The following DNAH1 variants were observed in gnomAD, a reference collection of about 807,000 sequenced individuals.
DNAH1 encodes the protein dynein axonemal heavy chain 1.
Under a neutral mutation model 484.3 loss-of-function variants are expected in DNAH1, and 327 were observed. The ratio of observed to expected loss-of-function variants is 0.68; its 90% CI spans 0.62 to 0.74. DNAH1 has a LOEUF of 0.74. DNAH1 is among the 30% of genes least tolerant of loss of function. The probability of loss-of-function intolerance (pLI) is 0.00; values close to 1 mark genes in which losing one functional copy is unlikely to be tolerated. For synonymous variants in DNAH1, 2,192 were observed against 2,191.9 expected (o/e 1.00, Z 0.00); for missense variants, 5,052 against 5,546.8 (o/e 0.91, Z 2.83).
intron 65 of DNAH1, 42 bp from the exon 66 acceptor site, chr3:52,393,292 C>T: frequency 1.2e-6 from 2 of 1,608,722 alleles, no homozygotes; most frequent in Non-Finnish European, 1.7e-6. Context: ...GCTCTTCCTT[C>T]CTCTCACCTC....
chr3:52,322,322 TGGCA>T, intron 1 of DNAH1, 83 bp from the exon 2 acceptor site: 1 of 880,548 alleles, frequency 1.1e-6, no homozygotes, highest in Non-Finnish European at 1.7e-6. Flanking sequence ...CTGGGGCTTG[TGGCA>T]GGCAGGCAAT....
chr3:52,358,062 C>A lies in DNAH1; in HGVS notation c.4086+59C>A. ...GCATGGGGCATCTTCCCAGGGAGAACGTCCCTCCCTTTGTGATGAGCCCTT... is the reference window on the plus strand; with the variant it reads ...GCATGGGGCATCTTCCCAGGGAGAAAGTCCCTCCCTTTGTGATGAGCCCTT... On this transcript the variant is annotated intron_variant, in intron 24 of 77. Transcript: ENST00000420323. This position sits in a 1 kb window ranked among gnomAD's most constrained non-coding sequence, Gnocchi z 4.2. The A allele has an allele frequency of 1.5e-6, 2 of 1,324,078 alleles. No homozygotes were observed. The highest frequency in any genetic ancestry group is 1.0e-6 in the Non-Finnish European group (1 of 962,860). The allele number at this position is 1,324,078 out of a possible 1,614,324, so 82.0% of individuals were successfully genotyped here.
At position 52,385,329 on chromosome 3, in the gene DNAH1, A is replaced by C. The variant is rs1183435001; in HGVS notation, c.8515-8A>C. 2 of 1,551,662 alleles carry C rather than the reference A, an allele frequency of 1.3e-6. No homozygotes were observed. The highest frequency in any genetic ancestry group is 3.9e-5 in the Admixed American group (2 of 51,020). ...CACCTGTTTTCCTGTCTCTGCCCTG[A>C]CCCCTAGCTGCTGCGCACTTCTGAG... On this transcript the variant is annotated splice_region_variant and splice_polypyrimidine_tract_variant and intron_variant, in intron 53 of 77. Coordinates refer to ENST00000420323, the MANE Select transcript of DNAH1 (RefSeq NM_015512.5).
chr3:52,371,797 T>C, intron 41 of DNAH1, 149 bp from the exon 42 acceptor site: 1 of 1,186,874 alleles, frequency 8.4e-7, no homozygotes, highest in Non-Finnish European at 1.2e-6. Flanking sequence ...GGACTTTCCA[T>C]TTCCGCCGGA....
At position 52,358,733 on chromosome 3, in the gene DNAH1, CCA is replaced by C; in HGVS notation, c.4264_4265del (p.Thr1422AspfsTer50). ...ATTGAGAAGGCCATCAGGGCCTACC[CCA>C]CGGTGAGCCGCCCGCAGCCCGTGCA... On this transcript the variant is annotated frameshift_variant and splice_region_variant, in exon 25 of 78. Coordinates refer to ENST00000420323, the MANE Select transcript of DNAH1 (RefSeq NM_015512.5). LOFTEE classifies it high-confidence loss of function. This position sits in a 1 kb window ranked among gnomAD's most constrained non-coding sequence, Gnocchi z 4.2. 1 of 1,612,240 alleles carries C rather than the reference CCA, an allele frequency of 6.2e-7. No individual in the cohort carries two copies. The highest frequency in any genetic ancestry group is 8.5e-7 in the Non-Finnish European group (1 of 1,179,614).
chr3:52,322,803 G>A, intron 2 of DNAH1, 28 bp downstream of exon 2: 1 of 1,559,976 alleles, frequency 6.4e-7, no homozygotes. Context: ...CCCCTACCAA[G>A]CCTCAACCCT....
At position 52,395,755 on chromosome 3, in the gene DNAH1, G is replaced by A; in HGVS notation, c.11259+77G>A. ...AGGGACTAATGAGGCAGAAATAAGAGAATCATGCCAAGCACTCTGCCCAGC... is the reference window on the plus strand; with the variant it reads ...AGGGACTAATGAGGCAGAAATAAGAAAATCATGCCAAGCACTCTGCCCAGC... On this transcript the variant is annotated intron_variant, in intron 70 of 77. Transcript: ENST00000420323. The surrounding 1 kb of genome is among the most constrained non-coding windows in gnomAD (Gnocchi z 4.4). The A allele has an allele frequency of 6.5e-7, 1 of 1,541,276 alleles. No individual in the cohort carries two copies.
At position 52,382,429 on chromosome 3, in the gene DNAH1, A is replaced by C. The variant is rs1206574854; in HGVS notation, c.7915A>C (p.Ile2639Leu). 1.2e-5 allele frequency: 20 copies of C among 1,613,808 alleles called. No homozygotes were observed. The highest frequency in any genetic ancestry group is 1.6e-5 in the Non-Finnish European group (19 of 1,179,868). ...CAAGGCGGGCCTACAGAACCTACCC[A>C]TCACCTTCCTCTTCTCAGACACCCA... ...LLKAGLQNLP[I>L]TFLFSDTQIK... Residue 2639 changes from isoleucine (I) to leucine (L), a missense_variant, in exon 50 of 78, where the codon ATC becomes CTC. By Grantham distance (5) the Ile-to-Leu change is conservative. Transcript: ENST00000420323.
chr3:52,327,824 C>T, intron 5 of DNAH1, 58 bp from the exon 6 acceptor site: 2 of 1,596,250 alleles, frequency 1.3e-6, no homozygotes, highest in Non-Finnish European at 1.7e-6. Context: ...ACACCCAGTC[C>T]CACCTGGGCC....
chr3:52,359,514 G>A, intron 26 of DNAH1, 128 bp downstream of exon 26: 1 of 1,302,842 alleles, frequency 7.7e-7, no homozygotes, highest in Non-Finnish European at 1.0e-6. Context: ...TAAAGGGGAG[G>A]TCAGACACCC....
upstream of DNAH1, among the ~76,000 whole-genome samples, chr3:52,316,100 C>T (rs954144073): frequency 2.6e-5 from 4 of 152,240 alleles, no homozygotes; most frequent in African/African-American, 9.6e-5. Context: ...GTGGCCTGTC[C>T]ATCTGTCCAG....
At position 52,385,381 on chromosome 3, in the gene DNAH1, G is replaced by A; in HGVS notation, c.8559G>A (p.Leu2853=). 6.4e-7 allele frequency: 1 copy of A among 1,552,982 alleles called. No homozygotes were observed. The highest frequency in any genetic ancestry group is 8.7e-7 in the Non-Finnish European group (1 of 1,147,732). ...ATGTAGCCAAGATGCAGGAGGACCT[G>A]GAGAGTATGCACCCCCTGCTGGAGG... ...SEDVAKMQED[L]ESMHPLLEEA... Residue 2853 remains leucine (L), a synonymous_variant, in exon 54 of 78, where the codon CTG becomes CTA. Coordinates refer to ENST00000420323, the MANE Select transcript of DNAH1 (RefSeq NM_015512.5).
chr3:52,344,464 C>A (rs201994357), intron 8 of DNAH1, 26 bp from the exon 9 acceptor site: 264 of 1,606,568 alleles, frequency 1.6e-4, no homozygotes, highest in Non-Finnish European at 2.1e-4. Context: ...GCCCCTGATT[C>A]CCCCATCTCC....
chr3:52,380,610 C>T (rs1182573513), intron 48 of DNAH1, among the ~76,000 whole-genome samples: 1 of 152,240 alleles, frequency 6.6e-6, no homozygotes. Context: ...AGGCAGGGCT[C>T]TGACCCAACT....
chr3:52,370,152 G>A lies in DNAH1; in HGVS notation c.6181G>A (p.Ala2061Thr), dbSNP rs775541195. Residue 2061 changes from alanine (A) to threonine (T), a missense_variant, in exon 39 of 78, where the codon GCC (alanine) becomes ACC (threonine). Physicochemically the swap from Ala to Thr is moderately conservative, Grantham distance 58. Around this residue, in one of 4 missense-constraint regions of DNAH1, gnomAD observed 2,929 missense variants for 3,409.4 expected, o/e 0.86. Coordinates refer to ENST00000420323, the MANE Select transcript of DNAH1 (RefSeq NM_015512.5). ...TCGGTCCTCAGTGAAGGAGGTGATCGCCTCAACCAACTGCAACCTGACCAT... is the reference window on the plus strand; with the variant it reads ...TCGGTCCTCAGTGAAGGAGGTGATCACCTCAACCAACTGCAACCTGACCAT... The part of the protein sequence containing the change: ...FVRSSVKEVI[A>T]STNCNLTMSL... 3.1e-6 allele frequency: 5 copies of A among 1,613,974 alleles called. No individual in the cohort carries two copies. Among genetic ancestry groups the A allele is most frequent in the South Asian group, 1.1e-5 (1 of 91,074 alleles).
chr3:52,364,539 A>T lies in DNAH1; in HGVS notation c.5245-99A>T. 7.4e-7 allele frequency: 1 copy of T among 1,343,870 alleles called. No homozygotes were observed. The highest frequency in any genetic ancestry group is 1.1e-6 in the Non-Finnish European group (1 of 937,896). The allele number at this position is 1,343,870 out of a possible 1,614,324, so 83.2% of individuals were successfully genotyped here. A position where few individuals can be genotyped will look rare whatever the true frequency, so the allele number is the denominator to read the frequency against. On this transcript the variant is annotated intron_variant, in intron 32 of 77. Transcript: ENST00000420323. The surrounding 1 kb of genome is among the most constrained non-coding windows in gnomAD (Gnocchi z 4.2). ...GCAAGGGAAGTGCTATGAGCTGGTG[A>T]TGAGACTTGGCCAACTGCCAGGTGG... is the stretch of plus-strand genomic sequence containing the variant.
At chr3:52,350,691 C>A in intron 16 of DNAH1, 101 bp downstream of exon 16, 1 of 1,092,738 alleles carries the variant, frequency 9.2e-7, no homozygotes, top group Non-Finnish European at 1.4e-6. Context: ...ACAGTCTGTG[C>A]AATCTCCCCA....
rs1478272222 is a variant in DNAH1, at chr3:52,368,751, A to G, written c.5776A>G (p.Ile1926Val). 6.2e-7 allele frequency: 1 copy of G among 1,613,538 alleles called. No individual in the cohort carries two copies. Among genetic ancestry groups the G allele is most frequent in the East Asian group, 2.2e-5 (1 of 44,880 alleles). ...DLLTHEWTDG[I>V]FSSFIRAGAI... Reference sequence around the variant, plus strand: ...TCCCTGGCGCTGCAGGACAGACGGGATATTCTCCTCGTTCATCCGGGCGGG... The same window carrying G: ...TCCCTGGCGCTGCAGGACAGACGGGGTATTCTCCTCGTTCATCCGGGCGGG... The change falls in exon 37 of 78, where the codon ATA becomes GTA. Residue 1926 changes from isoleucine to valine, a missense_variant. By Grantham distance (29) the Ile-to-Val change is conservative. Transcript: ENST00000420323. This position sits in a 1 kb window ranked among gnomAD's most constrained non-coding sequence, Gnocchi z 4.4.
intron 27 of DNAH1, 53 bp downstream of exon 27, chr3:52,360,132 G>A (rs1409848499): frequency 6.2e-7 from 1 of 1,609,736 alleles, no homozygotes; most frequent in Non-Finnish European, 8.5e-7. Flanking sequence ...GGAAGGGGCA[G>A]GGGAAAAGAG....
Sources: allele counts gnomAD v4.1 joint callset (sites outside exome capture counted in the v4.1 genomes callset), GRCh38; gene constraint gnomAD v4.1.1; regional missense constraint gnomAD v4.1.1; non-coding constraint Gnocchi (gnomAD v3.1); transcripts MANE v1.5; gene names NCBI Gene and HGNC (gene_info 2026-07-23, HGNC 2026-07-21).